FAM117A: variants seen among roughly 807,000 people sequenced by gnomAD.
FAM117A encodes protein FAM117A.
In FAM117A, 21 loss-of-function variants were observed where a neutral mutation model predicts 44.1. The observed-to-expected ratio is 0.48, with a 90% CI of 0.34 to 0.69. The LOEUF is 0.69. Ranked by LOEUF, FAM117A falls within the 30% of genes least tolerant of loss-of-function variation. The pLI, the probability that FAM117A is intolerant of heterozygous loss-of-function variation, is 0.01. For missense variants in FAM117A, 498 were observed against 589.9 expected (o/e 0.84, Z 1.61); for synonymous variants, 220 against 238.3 (o/e 0.92, Z 0.71).
At chr17:49,755,481 G>C (rs2073695146) in intron 1 of FAM117A, among the ~76,000 whole-genome samples, 1 of 152,182 alleles carries the variant, frequency 6.6e-6, no homozygotes, top group Admixed American at 6.5e-5. Context: ...AAAGCCTAAA[G>C]CCAGGCAGTC....
chr17:49,740,073 C>T (rs1209358168), intron 1 of FAM117A, among the ~76,000 whole-genome samples: 1 of 152,190 alleles, frequency 6.6e-6, no homozygotes. Context: ...ACAACTGCTA[C>T]ACTAGGATGG....
chr17:49,777,626 T>G (rs2073778859), intron 1 of FAM117A, among the ~76,000 whole-genome samples: 1 of 152,036 alleles, frequency 6.6e-6, no homozygotes, highest in South Asian at 2.1e-4. Context: ...CCTCCATGGC[T>G]CCAAGAAAAA....
intron 1 of FAM117A, among the ~76,000 whole-genome samples, chr17:49,780,414 C>A (rs1212629448): frequency 2.0e-5 from 3 of 152,148 alleles, no homozygotes; most frequent in East Asian, 1.9e-4. Flanking sequence ...AATGGCCCCT[C>A]CACACATGCT....
chr17:49,757,195 C>G (rs991690744), intron 1 of FAM117A, among the ~76,000 whole-genome samples: 4 of 151,872 alleles, frequency 2.6e-5, no homozygotes, highest in East Asian at 1.9e-4. Flanking sequence ...CTGTCCTCCA[C>G]CCCCCCAGCA....
intron 1 of FAM117A, among the ~76,000 whole-genome samples, chr17:49,739,680 G>A (rs190806650): frequency 7.2e-4 from 109 of 152,300 alleles, no homozygotes; most frequent in African/African-American, 2.5e-3. Context: ...TTTCATTTCT[G>A]GAAAGTACCC....
At chr17:49,778,370 G>T (rs1053581349) in intron 1 of FAM117A, among the ~76,000 whole-genome samples, 1 of 151,740 alleles carries the variant, frequency 6.6e-6, no homozygotes, top group African/African-American at 2.4e-5. Flanking sequence ...TCCACAGTCT[G>T]TTTTTTAAAA....
At chr17:49,732,976 T>C in intron 1 of FAM117A, 2 of 458,456 alleles carry the variant, frequency 4.4e-6, no homozygotes, top group South Asian at 5.5e-5. Context: ...TTTATAAATG[T>C]CCTCTATCCT....
intron 3 of FAM117A, among the ~76,000 whole-genome samples, chr17:49,721,355 G>T (rs1453257390): frequency 1.3e-5 from 2 of 152,170 alleles, no homozygotes; most frequent in Admixed American, 1.3e-4. Context: ...TCAGAGAGTA[G>T]ATCTGCTACC....
At chr17:49,755,960 G>A (rs2073697122) in intron 1 of FAM117A, among the ~76,000 whole-genome samples, 1 of 152,092 alleles carries the variant, frequency 6.6e-6, no homozygotes, top group African/African-American at 2.4e-5. Context: ...GCTGCAGGGT[G>A]AGTTCCATTG....
At chr17:49,770,337 T>C (rs1310820614) in intron 1 of FAM117A, among the ~76,000 whole-genome samples, 2 of 150,648 alleles carry the variant, frequency 1.3e-5, no homozygotes, top group Non-Finnish European at 1.5e-5. Flanking sequence ...AACAAGCTAC[T>C]GATATTTGCT....
intron 5 of FAM117A, among the ~76,000 whole-genome samples, chr17:49,719,326 C>T (rs1274799892): frequency 3.3e-5 from 5 of 151,578 alleles, no homozygotes; most frequent in South Asian, 2.1e-4. Flanking sequence ...GGAGTGGAGT[C>T]GGGGAGAAGG....
chr17:49,788,453 C>G (rs1034443802), intron 1 of FAM117A: 3 of 235,886 alleles, frequency 1.3e-5, no homozygotes, highest in South Asian at 1.1e-4. Flanking sequence ...GGCTTCTGCC[C>G]CAAACAAGAA....
In FAM117A at chr17:49,720,232, G is replaced by T. The variant is rs903131002; in HGVS notation, c.573+94C>A. ...CACAAAGCATGCAGTGTGGTAGGGG[G>T]CTCGGCAGTTCCAAGACCCAGGAAA... On this transcript the variant is annotated intron_variant, in intron 4 of 7. Coordinates refer to ENST00000240364, the MANE Select transcript of FAM117A (RefSeq NM_030802.4). The T allele has an allele frequency of 7.3e-6, 7 of 962,912 alleles. No individual in the cohort carries two copies. In the African/African-American group the frequency reaches 1.1e-4, roughly 16 times the overall value. The allele number at this position is 962,912 out of a possible 1,614,324, so 59.6% of individuals were successfully genotyped here. A position where few individuals can be genotyped will look rare whatever the true frequency, so the allele number is the denominator to read the frequency against.
At position 49,720,409 on chromosome 17, in the gene FAM117A, T is replaced by C. The variant is rs749612339; in HGVS notation, c.490A>G (p.Arg164Gly). 5 of 1,613,528 alleles carry C rather than the reference T, an allele frequency of 3.1e-6. No homozygotes were observed. The African/African-American group carries it at 6.7e-5, about 22-fold the overall frequency. The part of the protein sequence containing the change: ...EISKLKQQLQ[R>G]TKLSRSGKEK... ...TTCCCACTGCGGCTCAGCTTCGTCC[T>C]CTGCAGTTGTTGCTTCAACTTGGAA... The change falls in exon 4 of 8, where the codon AGG (arginine) becomes GGG (glycine). Residue 164 changes from arginine to glycine, a missense_variant. Transcript: ENST00000240364.
chr17:49,716,890 C>T (rs1191760917), intron 6 of FAM117A, among the ~76,000 whole-genome samples: 1 of 152,068 alleles, frequency 6.6e-6, no homozygotes, highest in Non-Finnish European at 1.5e-5. Flanking sequence ...CTCTGTTTAC[C>T]CATGTGTATT....
At chr17:49,739,201 A>G (rs113045157) in intron 1 of FAM117A, among the ~76,000 whole-genome samples, 5 of 152,350 alleles carry the variant, frequency 3.3e-5, no homozygotes, top group African/African-American at 1.2e-4. Context: ...TGTCAAATCA[A>G]TTCATGTCCT....
intron 2 of FAM117A, among the ~76,000 whole-genome samples, chr17:49,724,861 AAAG>A (rs2073552897): frequency 1.3e-5 from 2 of 151,822 alleles, no homozygotes; most frequent in Non-Finnish European, 2.9e-5. Context: ...AAAAGAAAAA[AAAG>A]AAAAGAAAAA....
At chr17:49,749,692 A>G (rs1422926620) in intron 1 of FAM117A, among the ~76,000 whole-genome samples, 1 of 148,092 alleles carries the variant, frequency 6.8e-6, no homozygotes, top group Non-Finnish European at 1.5e-5. Context: ...GAATATGCTC[A>G]GTGTGCTTCA....
At chr17:49,776,372 T>C (rs1033873255) in intron 1 of FAM117A, among the ~76,000 whole-genome samples, 1 of 152,166 alleles carries the variant, frequency 6.6e-6, no homozygotes, top group African/African-American at 2.4e-5. Context: ...CTCAGTGGAC[T>C]AGGTCAGAGA....
Sources: gnomAD v4.1 joint callset for allele counts (sites outside exome capture counted in the v4.1 genomes callset) on GRCh38, gnomAD v4.1.1 for gene constraint, MANE v1.5 for transcripts, NCBI Gene and HGNC (gene_info 2026-07-23, HGNC 2026-07-21) for gene names.